The following GDPD5 variants were observed in gnomAD, a reference collection of about 807,000 sequenced individuals.
GDPD5 encodes the protein glycerophosphodiester phosphodiesterase 2.
Under a neutral mutation model 75.1 loss-of-function variants are expected in GDPD5, and 48 were observed. The ratio of observed to expected loss-of-function variants is 0.64; its 90% confidence interval spans 0.51 to 0.81. The LOEUF is 0.81. Ranked by LOEUF, GDPD5 falls within the 40% of genes least tolerant of loss-of-function variation. GDPD5 has a pLI of 0.00. For synonymous variants in GDPD5, 336 were observed against 339.0 expected (o/e 0.99, Z 0.10); for missense variants, 706 against 822.6 (o/e 0.86, Z 1.73).
intron 5 of GDPD5, 74 bp from the exon 6 acceptor site, chr11:75,456,890 G>A: frequency 7.0e-7 from 1 of 1,424,582 alleles, no homozygotes; most frequent in South Asian, 1.1e-5. Context: ...CAGACACCCT[G>A]CTCCCCACTG....
rs771291077 is a variant in GDPD5 at position 75,462,900 on chromosome 11, AGAG to A, written c.118-14_118-12del. On this transcript the variant is annotated splice_polypyrimidine_tract_variant and intron_variant, in intron 3 of 16. Coordinates refer to ENST00000336898, the MANE Select transcript of GDPD5 (RefSeq NM_030792.8). ...CCAGAGGCGCTCCCACTGGAAGAGC[AGAG>A]GAGGAGGGGATTAAGTGGGTCAGGG... The A allele has an allele frequency of 3.7e-6, 6 of 1,610,116 alleles. No individual in the cohort carries two copies. The South Asian group carries it at 6.6e-5, about 18-fold the overall frequency.
At chr11:75,497,447 C>T (rs985315885) in intron 1 of GDPD5, among the ~76,000 whole-genome samples, 6 of 152,268 alleles carry the variant, frequency 3.9e-5, no homozygotes, top group Admixed American at 3.3e-4. Flanking sequence ...CTGACATTCA[C>T]CTCCCCAACC....
At chr11:75,440,057 C>A (rs1948744477) in intron 14 of GDPD5, 96 bp from the exon 15 acceptor site, 3 of 897,776 alleles carry the variant, frequency 3.3e-6, no homozygotes, top group Non-Finnish European at 5.3e-6. Context: ...CCCACATGGC[C>A]ACTGGGGAAG....
intron 1 of GDPD5, among the ~76,000 whole-genome samples, chr11:75,504,691 T>C (rs910407433): frequency 3.9e-5 from 6 of 152,218 alleles, no homozygotes; most frequent in Non-Finnish European, 5.9e-5. Context: ...GTAATAGGTA[T>C]AGAGTCTCAG....
chr11:75,506,268 C>T (rs1352002894), intron 1 of GDPD5, among the ~76,000 whole-genome samples: 1 of 152,210 alleles, frequency 6.6e-6, no homozygotes. Context: ...AAGACACTCC[C>T]CCCAGGAACA....
chr11:75,451,100 T>A (rs1949137595), intron 6 of GDPD5: 1 of 152,248 alleles, frequency 6.6e-6, no homozygotes, highest in African/African-American at 2.4e-5. Context: ...CAGTGGCATT[T>A]CTAGACGATG....
chr11:75,435,801 C>A, intron 16 of GDPD5, 146 bp from the exon 17 acceptor site: 1 of 717,592 alleles, frequency 1.4e-6, no homozygotes, highest in South Asian at 2.2e-5. Flanking sequence ...TTGAGCCTGG[C>A]ACTCAAGGCC....
At chr11:75,496,814 T>C (rs1252740166) in intron 1 of GDPD5, among the ~76,000 whole-genome samples, 6 of 135,766 alleles carry the variant, frequency 4.4e-5, no homozygotes, top group Non-Finnish European at 9.3e-5. Flanking sequence ...GGAGTCTCGC[T>C]CTGTTATTCA....
chr11:75,442,393 G>A lies in GDPD5; in HGVS notation c.1137C>T (p.Ala379=), dbSNP rs139846951. Residue 379 remains alanine (A), a synonymous_variant, in exon 12 of 17, where the codon GCC becomes GCT. Transcript: ENST00000336898. ...RSSFINVTLE[A]VLHSGFPQHQ... is the part of the protein sequence containing the mutation. The stretch of plus-strand genomic sequence containing the variant: ...GCTGGGGGAAGCCGGAGTGCAGCAC[G>A]GCCTCCAGAGTCACGTTGATAAAAC... 3.1e-5 allele frequency: 49 copies of A among 1,580,812 alleles called. No individual in the cohort carries two copies. The African/African-American group carries it at 4.2e-4, about 13-fold the overall frequency.
chr11:75,470,825 A>C (rs1292692594), intron 3 of GDPD5, among the ~76,000 whole-genome samples: 1 of 152,204 alleles, frequency 6.6e-6, no homozygotes, highest in Non-Finnish European at 1.5e-5. Context: ...ACTGGTAGTA[A>C]TTTCTACATT....
intron 1 of GDPD5, among the ~76,000 whole-genome samples, chr11:75,498,100 G>C (rs144593657): frequency 6.6e-6 from 1 of 151,454 alleles, no homozygotes; most frequent in African/African-American, 2.4e-5. Flanking sequence ...GCTGGTGGAG[G>C]GGGGGCTGAC....
intron 1 of GDPD5, among the ~76,000 whole-genome samples, chr11:75,497,187 C>T (rs1950226599): frequency 6.6e-6 from 1 of 151,960 alleles, no homozygotes; most frequent in Non-Finnish European, 1.5e-5. Flanking sequence ...AAAATCTAGT[C>T]ACCAACGCAC....
chr11:75,453,531 T>C (rs1254890125), intron 6 of GDPD5, among the ~76,000 whole-genome samples: 3 of 150,352 alleles, frequency 2.0e-5, no homozygotes, highest in Admixed American at 1.3e-4. Flanking sequence ...GGCAGGAGAA[T>C]GGGGTGAACC....
chr11:75,440,086 G>C (rs977458377), intron 14 of GDPD5, 125 bp from the exon 15 acceptor site: 46 of 676,254 alleles, frequency 6.8e-5, no homozygotes, highest in African/African-American at 2.9e-4. Context: ...AGGACCCTGA[G>C]AGGGTCTGGG....
intron 4 of GDPD5, among the ~76,000 whole-genome samples, chr11:75,458,180 A>C (rs1385257085): frequency 6.6e-6 from 1 of 152,180 alleles, no homozygotes; most frequent in Non-Finnish European, 1.5e-5. Context: ...CTGGATTCAC[A>C]TCCCCTCTCG....
chr11:75,452,658 G>A (rs1336396217), intron 6 of GDPD5, among the ~76,000 whole-genome samples: 1 of 152,168 alleles, frequency 6.6e-6, no homozygotes, highest in Non-Finnish European at 1.5e-5. Context: ...GACAGAGGCT[G>A]GACACCAGGA....
At chr11:75,437,417 G>T in intron 15 of GDPD5, 1 of 218,556 alleles carries the variant, frequency 4.6e-6, no homozygotes, top group Non-Finnish European at 9.0e-6. Context: ...CTAAGCTGGG[G>T]CACACACCAA....
intron 2 of GDPD5, chr11:75,485,743 T>C (rs1335288966): frequency 6.6e-6 from 1 of 152,230 alleles, no homozygotes; most frequent in African/African-American, 2.4e-5. Flanking sequence ...TCTGTATAAC[T>C]GCAAATTGTA....
intron 3 of GDPD5, among the ~76,000 whole-genome samples, chr11:75,472,881 G>A (rs1000310694): frequency 3.3e-5 from 5 of 152,066 alleles, no homozygotes; most frequent in Non-Finnish European, 5.9e-5. Flanking sequence ...GGAACCCCAG[G>A]GGAGTGAGGA....
Sources: gnomAD v4.1 joint callset for allele counts (sites outside exome capture counted in the v4.1 genomes callset) on GRCh38, gnomAD v4.1.1 for gene constraint, MANE v1.5 for transcripts, NCBI Gene and HGNC (gene_info 2026-07-23, HGNC 2026-07-21) for gene names.